The following CLPB variants were observed in gnomAD, a reference collection of about 807,000 sequenced individuals.
The protein encoded by CLPB is mitochondrial disaggregase.
CLPB carries 40 observed loss-of-function variants against 78.4 expected under a neutral mutation model. The ratio of observed to expected loss-of-function variants is 0.51; its 90% confidence interval spans 0.40 to 0.66. CLPB has a LOEUF of 0.66. Ranked by LOEUF, CLPB falls within the 30% of genes least tolerant of loss-of-function variation. CLPB has a pLI of 0.00. For missense variants in CLPB, 780 were observed against 886.9 expected, an observed-to-expected ratio of 0.88 and a Z score of 1.53; for synonymous variants, 333 against 348.0, an observed-to-expected ratio of 0.96 and a Z score of 0.48.
chr11:72,402,768 G>C (rs938651020), intron 3 of CLPB, among the ~76,000 whole-genome samples, 198 bp downstream of exon 3: 2 of 152,232 alleles, frequency 1.3e-5, no homozygotes, highest in South Asian at 4.1e-4. Flanking sequence ...TGAGGGAGCT[G>C]GGATTCAAGG....
At chr11:72,415,624 C>T (rs1012175152) in intron 2 of CLPB, among the ~76,000 whole-genome samples, 10 of 152,168 alleles carry the variant, frequency 6.6e-5, no homozygotes, top group African/African-American at 2.4e-4. Flanking sequence ...CAAGCAAATA[C>T]AAAGCCTTAA....
chr11:72,385,934 T>C (rs187046839), intron 3 of CLPB, among the ~76,000 whole-genome samples: 87 of 152,350 alleles, frequency 5.7e-4, no homozygotes, highest in African/African-American at 2.1e-3. Flanking sequence ...AATAGATTGT[T>C]TTAAATATTT....
Position 72,358,991 on chromosome 11 carries a change from C to T in CLPB, c.664G>A (p.Asp222Asn). ...HSLEVLITRE[D>N]DFNNRLNNRA... ...TTGTTCAGCCTGTTGTTGAAGTCAT[C>T]CTCTCGGGTGATCAGGACTGGGGAG... The change falls in exon 5 of 16, where the codon GAT (aspartate) becomes AAT (asparagine). Residue 222 changes from aspartate to asparagine, a missense_variant. Transcript: ENST00000538039. The T allele has an allele frequency of 6.2e-7, 1 of 1,613,634 alleles. No individual in the cohort carries two copies. The highest frequency in any genetic ancestry group is 8.5e-7 in the Non-Finnish European group (1 of 1,179,956).
chr11:72,429,910 G>C (rs1372684789), intron 2 of CLPB, among the ~76,000 whole-genome samples: 4 of 152,244 alleles, frequency 2.6e-5, no homozygotes, highest in Non-Finnish European at 5.9e-5. Context: ...GTCTCTTCCA[G>C]CTCTGTCCCA....
At chr11:72,335,948 C>T (rs954238846) in intron 5 of CLPB, among the ~76,000 whole-genome samples, 1 of 152,292 alleles carries the variant, frequency 6.6e-6, no homozygotes, top group African/African-American at 2.4e-5. Context: ...TCCCAGAAGC[C>T]TCTCTGCCTG....
At chr11:72,401,769 G>T (rs1855569892) in intron 3 of CLPB, among the ~76,000 whole-genome samples, 1 of 152,234 alleles carries the variant, frequency 6.6e-6, no homozygotes, top group Admixed American at 6.5e-5. Context: ...TGCCCACTCT[G>T]CTTTCTTTGA....
At chr11:72,424,522 C>T (rs1856307406) in intron 2 of CLPB, among the ~76,000 whole-genome samples, 1 of 151,822 alleles carries the variant, frequency 6.6e-6, no homozygotes. Flanking sequence ...TTTGGGAGGC[C>T]GAGGTGGGCA....
rs1326447300 is a variant in CLPB at position 72,292,881 on chromosome 11, C to T, written c.*486G>A. 6.4e-6 allele frequency: 1 copy of T among 157,302 alleles called. No individual in the cohort carries two copies. Among genetic ancestry groups the T allele is most frequent in the Non-Finnish European group, 1.4e-5 (1 of 70,774 alleles). 9.7% of individuals were successfully genotyped at this position (157,302 alleles called of 1,614,324 possible). On this transcript the variant is annotated 3_prime_UTR_variant, in exon 16 of 16. Coordinates refer to ENST00000538039, the MANE Select transcript of CLPB (RefSeq NM_001258392.3). Reference sequence around the variant, plus strand: ...GACTAAATTGCAGAACTATCTGCACCTGGGCCTCTGAGCTCTTCCTCCACT... The same window carrying T: ...GACTAAATTGCAGAACTATCTGCACTTGGGCCTCTGAGCTCTTCCTCCACT...
At chr11:72,406,491 T>G (rs959089112) in intron 2 of CLPB, among the ~76,000 whole-genome samples, 1 of 152,242 alleles carries the variant, frequency 6.6e-6, no homozygotes, top group Admixed American at 6.5e-5. Context: ...ACACTAATTT[T>G]CAGTCTTCTG....
intron 5 of CLPB, among the ~76,000 whole-genome samples, 196 bp downstream of exon 5, chr11:72,358,684 C>T (rs1008366031): frequency 6.6e-6 from 1 of 152,156 alleles, no homozygotes. Flanking sequence ...CCACTGTCAG[C>T]AGGCAAAGCT....
At chr11:72,380,460 G>T in intron 3 of CLPB, 76 bp from the exon 4 acceptor site, 1 of 1,130,696 alleles carries the variant, frequency 8.8e-7, no homozygotes, top group Non-Finnish European at 1.3e-6. Flanking sequence ...CCGGAAGCAT[G>T]TTTGGGGACT....
chr11:72,334,678 G>A (rs1029327219), intron 5 of CLPB, among the ~76,000 whole-genome samples: 6 of 152,208 alleles, frequency 3.9e-5, no homozygotes, highest in African/African-American at 1.4e-4. Context: ...TCCCACCCAG[G>A]GCCCCTTCGG....
chr11:72,406,249 C>G (rs1565086101), intron 2 of CLPB, among the ~76,000 whole-genome samples: 1 of 152,230 alleles, frequency 6.6e-6, no homozygotes, highest in East Asian at 1.9e-4. Flanking sequence ...ACCAAAATCC[C>G]TCATGCCTCC....
chr11:72,340,731 T>C (rs761441277), intron 5 of CLPB, among the ~76,000 whole-genome samples: 1 of 152,246 alleles, frequency 6.6e-6, no homozygotes, highest in Non-Finnish European at 1.5e-5. Flanking sequence ...ATCCTAATCA[T>C]AGCTATAATA....
intron 3 of CLPB, among the ~76,000 whole-genome samples, chr11:72,382,519 C>G (rs1419827271): frequency 6.6e-6 from 1 of 152,160 alleles, no homozygotes; most frequent in Non-Finnish European, 1.5e-5. Flanking sequence ...CTCAGCCCAC[C>G]CCTGTGGTCC....
chr11:72,357,578 C>A (rs1950742283), intron 5 of CLPB, among the ~76,000 whole-genome samples: 1 of 151,692 alleles, frequency 6.6e-6, no homozygotes. Flanking sequence ...TGCCTGTAAT[C>A]CCAGCTACTC....
Position 72,307,098 on chromosome 11 carries a change from T to C in CLPB, c.1122+101A>G, listed in dbSNP as rs1046885471. Reference sequence around the variant, plus strand: ...GCTTCCTGGGTCAGGGCCCATCTTTTTGATTGCCTATTACTGAATTCAGAG... The same window carrying C: ...GCTTCCTGGGTCAGGGCCCATCTTTCTGATTGCCTATTACTGAATTCAGAG... On this transcript the variant is annotated intron_variant, in intron 9 of 15. Coordinates refer to ENST00000538039, the MANE Select transcript of CLPB (RefSeq NM_001258392.3). 1.7e-5 allele frequency: 19 copies of C among 1,087,142 alleles called. No individual in the cohort carries two copies. In the Admixed American group the frequency reaches 2.6e-4, roughly 15 times the overall value. 67.3% of individuals were successfully genotyped at this position (1,087,142 alleles called of 1,614,324 possible).
intron 3 of CLPB, among the ~76,000 whole-genome samples, chr11:72,384,980 C>A (rs1325827419): frequency 6.6e-6 from 1 of 152,140 alleles, no homozygotes; most frequent in Admixed American, 6.5e-5. Context: ...CAGCAATGGA[C>A]AGGTCATCCA....
Position 72,434,346 on chromosome 11 carries a change from C to T in CLPB, c.129G>A (p.Gly43=). 6.2e-7 allele frequency: 1 copy of T among 1,612,046 alleles called. No individual in the cohort carries two copies. The highest frequency in any genetic ancestry group is 2.2e-5 in the East Asian group (1 of 44,882). The change falls in exon 1 of 16, where the codon GGG becomes GGA. Residue 43 remains glycine, a synonymous_variant. Transcript: ENST00000538039. ...TGGCTACCCTCAGCCACTGCGGCTC[C>T]CCGAGACTCCCAGTAGTCACATTCC... The part of the protein sequence containing the change: ...SGRNVTTGSL[G]EPQWLRVATG...
Sources: allele counts gnomAD v4.1 joint callset (sites outside exome capture counted in the v4.1 genomes callset), GRCh38; gene constraint gnomAD v4.1.1; transcripts MANE v1.5; gene names NCBI Gene and HGNC (gene_info 2026-07-23, HGNC 2026-07-21).